CDC42EP3: variants seen among roughly 807,000 people sequenced by gnomAD.
CDC42EP3 encodes CDC42 effector protein (Rho GTPase binding) 3.
Under a neutral mutation model 15.5 loss-of-function variants are expected in CDC42EP3, and 4 were observed. That is an observed-to-expected ratio of 0.26 (90% CI 0.13 to 0.59). CDC42EP3 has a LOEUF of 0.59. Ranked by LOEUF, CDC42EP3 falls within the 20% of genes least tolerant of loss-of-function variation. The pLI is 0.89. For synonymous variants in CDC42EP3, 145 were observed against 130.3 expected, an observed-to-expected ratio of 1.11 and a Z score of -0.77; for missense variants, 309 against 311.2, an observed-to-expected ratio of 0.99 and a Z score of 0.05.
chr2:37,656,530 C>T (rs1265624658), intron 1 of CDC42EP3, among the ~76,000 whole-genome samples: 1 of 152,204 alleles, frequency 6.6e-6, no homozygotes, highest in Non-Finnish European at 1.5e-5. Context: ...TAATTTACAC[C>T]TGTGAAGAGT....
chr2:37,652,565 G>C (rs751772387), intron 1 of CDC42EP3, among the ~76,000 whole-genome samples: 1 of 151,922 alleles, frequency 6.6e-6, no homozygotes, highest in Non-Finnish European at 1.5e-5. Context: ...TCCTCATCTT[G>C]AACCCCTTTC....
At chr2:37,670,460 A>G (rs1420552947) in intron 1 of CDC42EP3, among the ~76,000 whole-genome samples, 1 of 149,774 alleles carries the variant, frequency 6.7e-6, no homozygotes, top group African/African-American at 2.5e-5. Flanking sequence ...CCCTCCTGAC[A>G]TTCCTCATTT....
chr2:37,670,972 T>C (rs1469069237), intron 1 of CDC42EP3, among the ~76,000 whole-genome samples: 1 of 152,122 alleles, frequency 6.6e-6, no homozygotes, highest in Non-Finnish European at 1.5e-5. Context: ...CCACTAACAA[T>C]GTCCTCCATT....
At chr2:37,666,932 G>A (rs1247675111) in intron 1 of CDC42EP3, among the ~76,000 whole-genome samples, 1 of 152,056 alleles carries the variant, frequency 6.6e-6, no homozygotes, top group African/African-American at 2.4e-5. Context: ...GGGGACAGGA[G>A]AAGATTTCAA....
intron 1 of CDC42EP3, among the ~76,000 whole-genome samples, chr2:37,648,084 C>T (rs761264612): frequency 2.6e-5 from 4 of 152,218 alleles, no homozygotes; most frequent in Non-Finnish European, 4.4e-5. Flanking sequence ...CCTGCACATA[C>T]TATATGATAA....
chr2:37,668,318 AAAAC>A (rs1334693411), intron 1 of CDC42EP3, among the ~76,000 whole-genome samples: 1 of 152,224 alleles, frequency 6.6e-6, no homozygotes, highest in African/African-American at 2.4e-5. Context: ...ACCTAGGAAA[AAAAC>A]AAAAGCAACA....
intron 1 of CDC42EP3, among the ~76,000 whole-genome samples, chr2:37,653,062 T>C (rs2124619342): frequency 6.6e-6 from 1 of 152,206 alleles, no homozygotes; most frequent in East Asian, 1.9e-4. Flanking sequence ...TGTTCCTCTT[T>C]CCCTTCATAG....
chr2:37,650,716 G>T (rs1021953547), intron 1 of CDC42EP3, among the ~76,000 whole-genome samples: 1 of 152,198 alleles, frequency 6.6e-6, no homozygotes, highest in Admixed American at 6.5e-5. Flanking sequence ...AATTCTGTCT[G>T]CTCCCTAATT....
chr2:37,650,665 T>C (rs1188669950), intron 1 of CDC42EP3, among the ~76,000 whole-genome samples: 1 of 152,214 alleles, frequency 6.6e-6, no homozygotes, highest in Non-Finnish European at 1.5e-5. Flanking sequence ...GCTCTGAGCT[T>C]TGAGGTCTTG....
rs1345721018 is a variant in CDC42EP3 at position 37,653,185 on chromosome 2, A to AT, written c.-235-6364_-235-6363insA. ...TGCCAACAAAAGGGTCCAGCTTGCCAGTCAGTCATGTGGCAGGTCAGAGAG... is the reference window on the plus strand; with the variant it reads ...TGCCAACAAAAGGGTCCAGCTTGCCATGTCAGTCATGTGGCAGGTCAGAGAG... On this transcript the variant is annotated intron_variant, in intron 1 of 1. Transcript: ENST00000295324. 1.3e-4 allele frequency among the ~76,000 whole-genome samples: 20 copies of AT among 152,334 alleles called. No homozygotes were observed. The East Asian group carries it at 3.9e-3, about 29-fold the overall frequency.
At chr2:37,649,099 C>CACTT (rs1665579049) in intron 1 of CDC42EP3, among the ~76,000 whole-genome samples, 1 of 150,568 alleles carries the variant, frequency 6.6e-6, no homozygotes, top group African/African-American at 2.4e-5. Flanking sequence ...AAAAATCGAT[C>CACTT]ACTTAAGGCC....
Position 37,644,783 on chromosome 2 carries a change from T to G in CDC42EP3, c.*1040A>C, listed in dbSNP as rs1041195356. The G allele has an allele frequency of 6.6e-5, 10 of 152,232 alleles. No homozygotes were observed. The highest frequency in any genetic ancestry group is 2.4e-4 in the African/African-American group (10 of 41,464). 9.4% of individuals were successfully genotyped at this position (152,232 alleles called of 1,614,324 possible). On this transcript the variant is annotated 3_prime_UTR_variant, in exon 2 of 2. Transcript: ENST00000295324. ...ATGTACATTTCAGAGAAGCAATTTC[T>G]CTAGCTATACTTATTCTCTTATGGT...
intron 1 of CDC42EP3, among the ~76,000 whole-genome samples, chr2:37,670,900 C>T (rs1196052876): frequency 6.6e-6 from 1 of 152,206 alleles, no homozygotes; most frequent in African/African-American, 2.4e-5. Context: ...ACCTTGTAAA[C>T]GTCTCAGCTG....
At chr2:37,670,901 G>A (rs1435842143) in intron 1 of CDC42EP3, among the ~76,000 whole-genome samples, 1 of 152,188 alleles carries the variant, frequency 6.6e-6, no homozygotes, top group Non-Finnish European at 1.5e-5. Context: ...CCTTGTAAAC[G>A]TCTCAGCTGT....
In CDC42EP3 at chr2:37,665,940, A is replaced by G. The variant is rs114294625; in HGVS notation, c.-236+5486T>C. Among the ~76,000 whole-genome samples, 231 of 152,314 alleles carry G rather than the reference A, an allele frequency of 1.5e-3. 2 individuals carry two copies. Among genetic ancestry groups the G allele is most frequent in the African/African-American group, 5.4e-3 (226 of 41,558 alleles). On this transcript the variant is annotated intron_variant, in intron 1 of 1. Coordinates refer to ENST00000295324, the MANE Select transcript of CDC42EP3 (RefSeq NM_006449.5). The stretch of plus-strand genomic sequence containing the variant: ...TTAGGGATGAGAACAAGAAAACCCC[A>G]AGAGGTCAAGGTTATACAATTTGGG...
chr2:37,656,814 C>T (rs1041478154), intron 1 of CDC42EP3, among the ~76,000 whole-genome samples: 12 of 152,122 alleles, frequency 7.9e-5, no homozygotes, highest in African/African-American at 2.4e-4. Context: ...GAGATGCTAA[C>T]CTGACCTTGT....
upstream of CDC42EP3, chr2:37,671,708 G>C (rs2124644081): frequency 6.6e-6 from 1 of 151,258 alleles, no homozygotes. Flanking sequence ...GGCGGGGCCG[G>C]CGGCGCGGGG....
intron 1 of CDC42EP3, among the ~76,000 whole-genome samples, chr2:37,648,106 A>T (rs1363842898): frequency 6.6e-6 from 1 of 152,234 alleles, no homozygotes; most frequent in East Asian, 1.9e-4. Context: ...ATTAGGAGGG[A>T]TGAGCTACAA....
chr2:37,668,458 G>A (rs1002738892), intron 1 of CDC42EP3, among the ~76,000 whole-genome samples: 1 of 152,184 alleles, frequency 6.6e-6, no homozygotes, highest in Non-Finnish European at 1.5e-5. Context: ...GATAAACTGA[G>A]GTAAAGGTGA....
Sources: allele counts gnomAD v4.1 joint callset (sites outside exome capture counted in the v4.1 genomes callset), GRCh38; gene constraint gnomAD v4.1.1; transcripts MANE v1.5; gene names NCBI Gene and HGNC (gene_info 2026-07-23, HGNC 2026-07-21).